The following PRDM2 variants were observed in gnomAD, a reference collection of about 807,000 sequenced individuals.
The protein encoded by PRDM2 is PR/SET domain 2, also known as PR domain zinc finger protein 2.
In PRDM2, 30 loss-of-function variants were observed where a neutral mutation model predicts 130.0. That is an observed-to-expected ratio of 0.23 (90% CI 0.17 to 0.31). The LOEUF (loss-of-function observed/expected upper bound fraction) is 0.31, where lower values mean the gene tolerates loss of function less well. PRDM2 is among the 10% of genes least tolerant of loss of function. The pLI, the probability that PRDM2 is intolerant of heterozygous loss-of-function variation, is 1.00. For missense variants in PRDM2, 2,011 were observed against 2,108.4 expected, an observed-to-expected ratio of 0.95 and a Z score of 0.90; for synonymous variants, 871 against 782.4, an observed-to-expected ratio of 1.11 and a Z score of -1.89.
rs563166866 is a variant in PRDM2, at chr1:13,768,789, G to A, written c.512-4289G>A. Among the ~76,000 whole-genome samples the A allele has an allele frequency of 6.6e-5, 10 of 152,294 alleles. No individual in the cohort carries two copies. The South Asian group carries it at 1.2e-3, about 19-fold the overall frequency. Reference sequence around the variant, plus strand: ...GTCTACCTTGTAAAGTGATTTATGCGTTGGGACTTTGGGGGCTTCTAGCAA... The same window carrying A: ...GTCTACCTTGTAAAGTGATTTATGCATTGGGACTTTGGGGGCTTCTAGCAA... On this transcript the variant is annotated intron_variant, in intron 6 of 9. Transcript: ENST00000311066.
intron 6 of PRDM2, among the ~76,000 whole-genome samples, chr1:13,766,998 G>T (rs1362033150): frequency 6.6e-6 from 1 of 152,142 alleles, no homozygotes; most frequent in African/African-American, 2.4e-5. Flanking sequence ...TCCAGACCTA[G>T]GTTAAATTTT....
intron 6 of PRDM2, chr1:13,772,301 C>G (rs1369387224): frequency 6.6e-6 from 1 of 152,194 alleles, no homozygotes. Context: ...ATTATTACTC[C>G]TATAGATAAT....
At chr1:13,786,956 A>C in intron 8 of PRDM2, 1 of 992,268 alleles carries the variant, frequency 1.0e-6, no homozygotes. Flanking sequence ...CACTCATTTA[A>C]AACGTTTTGG....
At chr1:13,708,578 C>G (rs963019336) in intron 1 of PRDM2, among the ~76,000 whole-genome samples, 1 of 152,112 alleles carries the variant, frequency 6.6e-6, no homozygotes, top group Non-Finnish European at 1.5e-5. Context: ...TCTATGCATT[C>G]GGGGAGTCAG....
rs374711549 is a variant in PRDM2, at chr1:13,806,594, C to T, written c.5037-9833C>T. Among the ~76,000 whole-genome samples the T allele has an allele frequency of 5.9e-5, 9 of 152,306 alleles. No individual in the cohort carries two copies. The South Asian group carries it at 8.3e-4, about 14-fold the overall frequency. Reference sequence around the variant, plus strand: ...TCCATCCCCACATCCAGCTCATCAGCAGATCCCCAAACTCACCCGGAATCC... The same window carrying T: ...TCCATCCCCACATCCAGCTCATCAGTAGATCCCCAAACTCACCCGGAATCC... On this transcript the variant is annotated intron_variant, in intron 8 of 9. Transcript: ENST00000311066. This position sits in a 1 kb window ranked among gnomAD's most constrained non-coding sequence, Gnocchi z 4.1.
At chr1:13,769,691 CTAAG>C (rs1439486799) in intron 6 of PRDM2, among the ~76,000 whole-genome samples, 2 of 152,288 alleles carry the variant, frequency 1.3e-5, no homozygotes, top group East Asian at 1.9e-4. Flanking sequence ...CCTTGATAAA[CTAAG>C]TGTGTTGGTA....
At chr1:13,816,718 G>A (rs2100768906) in intron 9 of PRDM2, 148 bp downstream of exon 9, 1 of 1,130,512 alleles carries the variant, frequency 8.8e-7, no homozygotes, top group East Asian at 2.6e-5. Flanking sequence ...CCCTCCAGGA[G>A]GGCACTTAGC....
chr1:13,733,010 A>T (rs1391836797), intron 4 of PRDM2, 128 bp downstream of exon 4: 5 of 703,440 alleles, frequency 7.1e-6, no homozygotes, highest in Non-Finnish European at 1.2e-5. Flanking sequence ...GAATATTTTT[A>T]TTAAAGAGAA....
intron 5 of PRDM2, among the ~76,000 whole-genome samples, chr1:13,748,526 T>C (rs767998904): frequency 1.3e-5 from 2 of 152,228 alleles, no homozygotes; most frequent in African/African-American, 4.8e-5. Flanking sequence ...ATTGATACCC[T>C]TGTAACTTTT....
At chr1:13,796,507 G>A (rs1644924693) in intron 8 of PRDM2, among the ~76,000 whole-genome samples, 3 of 152,206 alleles carry the variant, frequency 2.0e-5, no homozygotes, top group Admixed American at 2.0e-4. Context: ...TGTAATCCCA[G>A]CACTTTGGGA....
intron 8 of PRDM2, among the ~76,000 whole-genome samples, chr1:13,794,316 C>T (rs1483932145): frequency 6.6e-6 from 1 of 152,118 alleles, no homozygotes; most frequent in Non-Finnish European, 1.5e-5. Context: ...GTTCAAGACC[C>T]TTAAGCCTTC....
chr1:13,746,885 C>G (rs1267520358), intron 5 of PRDM2, among the ~76,000 whole-genome samples: 1 of 152,180 alleles, frequency 6.6e-6, no homozygotes, highest in Non-Finnish European at 1.5e-5. Context: ...TAGCAGCTAA[C>G]GAATGTGTTC....
Position 13,808,062 on chromosome 1 carries a change from G to A in PRDM2, c.5037-8365G>A, listed in dbSNP as rs1375355133. Among the ~76,000 whole-genome samples the A allele has an allele frequency of 2.6e-5, 4 of 152,248 alleles. No homozygotes were observed. In the East Asian group the frequency reaches 7.7e-4, roughly 29 times the overall value. On this transcript the variant is annotated intron_variant, in intron 8 of 9. Transcript: ENST00000311066. ...GGCAGTAGAGCACACTTTGCCAGAG[G>A]CCAGACACTTCTGGGCAAAGCCTGT...
At chr1:13,820,516 G>A (rs1054844363) in intron 9 of PRDM2, among the ~76,000 whole-genome samples, 47 of 152,210 alleles carry the variant, frequency 3.1e-4, no homozygotes, top group African/African-American at 8.7e-4. Flanking sequence ...GGGGTTCAGC[G>A]GGAGGCCCAG....
At chr1:13,811,012 C>T (rs1389661747) in intron 8 of PRDM2, among the ~76,000 whole-genome samples, 1 of 151,694 alleles carries the variant, frequency 6.6e-6, no homozygotes, top group Non-Finnish European at 1.5e-5. Flanking sequence ...GGTGAAACCC[C>T]GTCTCTACTA....
intron 6 of PRDM2, among the ~76,000 whole-genome samples, chr1:13,767,738 G>C (rs1271223843): frequency 6.6e-6 from 1 of 152,136 alleles, no homozygotes; most frequent in East Asian, 1.9e-4. Flanking sequence ...ACTTTTGAGA[G>C]GCCAAGGCAA....
chr1:13,715,561 T>G lies in PRDM2; in HGVS notation c.-45T>G. ...TTTAGGGTTCATGTAATCAAAGAAG[T>G]TTCTTTGTTGTGTGTATCTTTACAG... On this transcript the variant is annotated 5_prime_UTR_variant, in exon 2 of 10. Coordinates refer to ENST00000311066, the MANE Select transcript of PRDM2 (RefSeq NM_001393986.1). 1 of 1,521,898 alleles carries G rather than the reference T, an allele frequency of 6.6e-7. No individual in the cohort carries two copies. The highest frequency in any genetic ancestry group is 1.3e-5 in the South Asian group (1 of 78,594). 94.3% of individuals were successfully genotyped at this position (1,521,898 alleles called of 1,614,324 possible). A position where few individuals can be genotyped will look rare whatever the true frequency, so the allele number is the denominator to read the frequency against.
chr1:13,797,626 C>T (rs992914133), intron 8 of PRDM2, among the ~76,000 whole-genome samples: 1 of 152,158 alleles, frequency 6.6e-6, no homozygotes, highest in African/African-American at 2.4e-5. Context: ...TTGTTAATTA[C>T]AGCTTTAAAT....
At chr1:13,756,954 CTCTG>C (rs748780745) in intron 6 of PRDM2, among the ~76,000 whole-genome samples, 7 of 152,342 alleles carry the variant, frequency 4.6e-5, no homozygotes, top group Middle Eastern at 3.4e-3. Flanking sequence ...AAATAAAAGG[CTCTG>C]TCTGTCTAAA....
Sources: gnomAD v4.1 joint callset for allele counts (sites outside exome capture counted in the v4.1 genomes callset) on GRCh38, gnomAD v4.1.1 for gene constraint, Gnocchi (gnomAD v3.1) non-coding constraint, MANE v1.5 for transcripts, NCBI Gene and HGNC (gene_info 2026-07-23, HGNC 2026-07-21) for gene names.